Variants in RRP1B observed in about 807,000 individuals in gnomAD.
RRP1B encodes the protein ribosomal RNA processing 1B.
A neutral mutation model predicts 80.2 loss-of-function variants in RRP1B; 56 were observed. That is an observed-to-expected ratio of 0.70 (90% CI 0.56 to 0.87). The LOEUF is 0.87. RRP1B is among the 40% of genes least tolerant of loss of function. The pLI is 0.00. For synonymous variants in RRP1B, 351 were observed against 357.6 expected (o/e 0.98, Z 0.21); for missense variants, 807 against 939.8 (o/e 0.86, Z 1.85).
intron 1 of RRP1B, among the ~76,000 whole-genome samples, chr21:43,662,300 T>C (rs1024101451): frequency 2.0e-5 from 3 of 152,178 alleles, no homozygotes; most frequent in African/African-American, 7.2e-5. Context: ...ACACCCAGAG[T>C]GACTTGTCTT....
At chr21:43,675,455 G>A (rs1378976882) in intron 6 of RRP1B, among the ~76,000 whole-genome samples, 3 of 152,094 alleles carry the variant, frequency 2.0e-5, no homozygotes, top group Non-Finnish European at 4.4e-5. Context: ...TTTATAAAGC[G>A]CTAGGAAAAG....
Position 43,691,543 on chromosome 21 carries a change from AGCTGCAGCTCCTGGC to A in RRP1B, c.2083+44_2083+58del. 6.3e-7 allele frequency: 1 copy of A among 1,590,924 alleles called. No homozygotes were observed. Among genetic ancestry groups the A allele is most frequent in the Non-Finnish European group, 8.6e-7 (1 of 1,159,360 alleles). ...CCAGCGGCAAGCTTCTCTGGAGCAC[AGCTGCAGCTCCTGGC>A]GCGGCTCGCAGCCTGGTTCCACAAG... On this transcript the variant is annotated intron_variant, in intron 15 of 15. Coordinates refer to ENST00000340648, the MANE Select transcript of RRP1B (RefSeq NM_015056.3). The surrounding 1 kb of genome is among the most constrained non-coding windows in gnomAD (Gnocchi z 4.2).
intron 11 of RRP1B, chr21:43,686,012 T>G: frequency 2.5e-6 from 1 of 401,390 alleles, no homozygotes; most frequent in Non-Finnish European, 4.3e-6. Flanking sequence ...TCCCAGTCAC[T>G]TGGGAGTCTA....
At chr21:43,692,602 C>CAAAA (rs879723593) in intron 15 of RRP1B, among the ~76,000 whole-genome samples, 2 of 100,762 alleles carry the variant, frequency 2.0e-5, no homozygotes, top group African/African-American at 3.8e-5. Context: ...GACTCCATCT[C>CAAAA]AAAAAAAAAA....
At chr21:43,683,163 G>T in intron 8 of RRP1B, 116 bp from the exon 9 acceptor site, 1 of 751,290 alleles carries the variant, frequency 1.3e-6, no homozygotes, top group Admixed American at 2.6e-5. Flanking sequence ...GTGAGCCACC[G>T]TGCCCAACCT....
rs1030214972 is a variant in RRP1B at position 43,682,217 on chromosome 21, C to T, written c.797-1062C>T. Among the ~76,000 whole-genome samples the T allele has an allele frequency of 4.6e-5, 7 of 152,200 alleles. No individual in the cohort carries two copies. In the East Asian group the frequency reaches 7.7e-4, roughly 17 times the overall value. ...CATGGGAGTAGTCTCTGGGTCCCTC[C>T]GCTCCCCACATTTCTGTCGCCTAAC... On this transcript the variant is annotated intron_variant, in intron 8 of 15. Transcript: ENST00000340648.
chr21:43,662,570 A>G (rs1191702356), intron 1 of RRP1B, among the ~76,000 whole-genome samples: 3 of 152,228 alleles, frequency 2.0e-5, no homozygotes, highest in African/African-American at 7.2e-5. Context: ...CTGAAACATG[A>G]GCTGTTCTGC....
rs370722105 is a variant in RRP1B, at chr21:43,675,126, T to C, written c.512T>C (p.Ile171Thr). The change falls in exon 6 of 16, where the codon ATT (isoleucine) becomes ACT (threonine). Residue 171 changes from isoleucine to threonine, a missense_variant. Transcript: ENST00000340648. ...PNGVRFHFID[I>T]YLDELSKVGG... ...GGAGTGAGATTCCACTTCATTGATATTTACCTGGATGAACTCTCCAAAGTC... is the reference window on the plus strand; with the variant it reads ...GGAGTGAGATTCCACTTCATTGATACTTACCTGGATGAACTCTCCAAAGTC... 9.9e-6 allele frequency: 16 copies of C among 1,613,948 alleles called. No homozygotes were observed. The highest frequency in any genetic ancestry group is 2.2e-5 in the East Asian group (1 of 44,892).
chr21:43,676,965 T>G (rs776946763), intron 8 of RRP1B, 51 bp downstream of exon 8: 1 of 1,557,734 alleles, frequency 6.4e-7, no homozygotes. Flanking sequence ...AAAATCCTCC[T>G]CAGACAAACA....
intron 9 of RRP1B, among the ~76,000 whole-genome samples, chr21:43,684,088 T>A (rs78760692): frequency 2.0e-5 from 3 of 150,996 alleles, no homozygotes; most frequent in African/African-American, 4.9e-5. Context: ...TTTTTTTTTT[T>A]TGAGACAGAG....
intron 13 of RRP1B, among the ~76,000 whole-genome samples, chr21:43,688,690 C>A (rs775716340): frequency 6.6e-6 from 1 of 152,188 alleles, no homozygotes; most frequent in African/African-American, 2.4e-5. Flanking sequence ...TAGCTTCCCC[C>A]CTACCCCCCA....
In RRP1B at chr21:43,665,684, C is replaced by T. The variant is rs533641937; in HGVS notation, c.131-4200C>T. The stretch of plus-strand genomic sequence containing the variant: ...GGTGCCATTCTCAGGATTAAATGAG[C>T]GCGCACTCCTAGTTCCTGTGGGATC... On this transcript the variant is annotated intron_variant, in intron 1 of 15. Transcript: ENST00000340648. Among the ~76,000 whole-genome samples, 6 of 152,140 alleles carry T rather than the reference C, an allele frequency of 3.9e-5. No individual in the cohort carries two copies. The East Asian group carries it at 7.7e-4, about 20-fold the overall frequency.
Position 43,691,507 on chromosome 21 carries a change from G to C in RRP1B, c.2083+5G>C, listed in dbSNP as rs770591827. 1 of 1,613,994 alleles carries C rather than the reference G, an allele frequency of 6.2e-7. No individual in the cohort carries two copies. Among genetic ancestry groups the C allele is most frequent in the South Asian group, 1.1e-5 (1 of 91,050 alleles). ...TGAACAGAAACATGACTGCCGGTAA[G>C]TGGGGTTTTGCCAGCGGCAAGCTTC... On this transcript the variant is annotated splice_donor_5th_base_variant and intron_variant, in intron 15 of 15. Transcript: ENST00000340648. The surrounding 1 kb of genome is among the most constrained non-coding windows in gnomAD (Gnocchi z 4.2).
intron 11 of RRP1B, among the ~76,000 whole-genome samples, 192 bp downstream of exon 11, chr21:43,685,981 C>T (rs977130287): frequency 1.3e-5 from 2 of 152,106 alleles, no homozygotes; most frequent in South Asian, 2.1e-4. Flanking sequence ...ATTAGCCAGG[C>T]GTGGTGGCGT....
chr21:43,686,994 A>C, intron 12 of RRP1B, 59 bp downstream of exon 12: 1 of 1,577,860 alleles, frequency 6.3e-7, no homozygotes, highest in Non-Finnish European at 8.6e-7. Context: ...GGCATGCACC[A>C]TGGAGGCCTC....
chr21:43,677,822 T>C lies in RRP1B; in HGVS notation c.796+908T>C, dbSNP rs529491762. Among the ~76,000 whole-genome samples the C allele has an allele frequency of 2.6e-5, 4 of 152,404 alleles. No individual in the cohort carries two copies. The South Asian group carries it at 8.3e-4, about 32-fold the overall frequency. ...TGGTCTCCAACTCTAGCCAGGTTGC[T>C]GTGGATACCATTATTTCATTCCTTT... On this transcript the variant is annotated intron_variant, in intron 8 of 15. Transcript: ENST00000340648.
At position 43,677,328 on chromosome 21, in the gene RRP1B, C is replaced by T. The variant is rs189787354; in HGVS notation, c.796+414C>T. On this transcript the variant is annotated intron_variant, in intron 8 of 15. Transcript: ENST00000340648. The stretch of plus-strand genomic sequence containing the variant: ...CTGTCCTTTCTCAACTCATGGCTTC[C>T]TTCAGGGAATGTTTTTCTTTTTCTT... Among the ~76,000 whole-genome samples, 312 of 152,292 alleles carry T rather than the reference C, an allele frequency of 2.0e-3. 1 individual carries two copies. The highest frequency in any genetic ancestry group is 3.3e-3 in the Non-Finnish European group (224 of 68,028).
Position 43,687,845 on chromosome 21 carries a change from G to A in RRP1B, c.1471G>A (p.Val491Met), listed in dbSNP as rs564930563. The A allele has an allele frequency of 3.5e-5, 57 of 1,613,318 alleles. 1 individual carries two copies. In the South Asian group the frequency reaches 5.5e-4, roughly 16 times the overall value. The change falls in exon 13 of 16, where the codon GTG becomes ATG. Residue 491 changes from valine (V) to methionine (M), a missense_variant. Val to Met is a conservative substitution (Grantham distance 21, BLOSUM62 1). Transcript: ENST00000340648. ...RAHREMLESA[V>M]LPPEDMSQSG... ...CCACAGGGAAATGTTGGAATCAGCA[G>A]TGTTGCCCCCAGAGGACATGTCTCA...
At chr21:43,682,933 C>T (rs946844176) in intron 8 of RRP1B, among the ~76,000 whole-genome samples, 1 of 152,154 alleles carries the variant, frequency 6.6e-6, no homozygotes, top group Non-Finnish European at 1.5e-5. Context: ...AGTGCAGTGG[C>T]ATGATCTTGG....
Sources: gnomAD v4.1 joint callset for allele counts (sites outside exome capture counted in the v4.1 genomes callset) on GRCh38, gnomAD v4.1.1 for gene constraint, Gnocchi (gnomAD v3.1) non-coding constraint, MANE v1.5 for transcripts, NCBI Gene and HGNC (gene_info 2026-07-23, HGNC 2026-07-21) for gene names.